Variants in SRP19 observed in about 807,000 individuals in gnomAD.
The protein encoded by SRP19 is signal recognition particle 19 kDa protein.
Under a neutral mutation model 22.4 loss-of-function variants are expected in SRP19, and 11 were observed. The observed-to-expected ratio is 0.49, with a 90% CI of 0.31 to 0.81. The LOEUF is 0.81. Ranked by LOEUF, SRP19 falls within the 40% of genes least tolerant of loss-of-function variation. The pLI, the probability that SRP19 is intolerant of heterozygous loss-of-function variation, is 0.05. For synonymous variants in SRP19, 61 were observed against 57.6 expected (o/e 1.06, Z -0.27); for missense variants, 168 against 175.9 (o/e 0.96, Z 0.25).
At chr5:112,888,634 T>C (rs458451) in intron 4 of SRP19, among the ~76,000 whole-genome samples, 65,092 of 146,718 alleles carry the variant, frequency 0.44, 16,719 homozygotes, top group African/African-American at 0.71. Flanking sequence ...CACAATGTTG[T>C]CCAGACTCCC....
At chr5:112,893,094 T>TAAAAAAAAAAAAA (rs552226372), downstream of SRP19, 55 of 501,480 alleles carry the variant, frequency 1.1e-4, no homozygotes, top group African/African-American at 1.4e-4. Flanking sequence ...GTTTTGTTCT[T>TAAAAAAAAAAAAA]AAAAAAAAAA....
At chr5:112,897,350 A>AACACACAC (rs1768719555), downstream of SRP19, 9 of 129,572 alleles carry the variant, frequency 6.9e-5, no homozygotes, top group South Asian at 7.9e-4. Flanking sequence ...AACACATCCC[A>AACACACAC]TCACACACAC....
At chr5:112,885,547 C>T in intron 4 of SRP19, 1 of 242,162 alleles carries the variant, frequency 4.1e-6, no homozygotes, top group Admixed American at 4.3e-5. Context: ...AAGTAAACAT[C>T]AACTACCTTC....
intron 4 of SRP19, chr5:112,887,155 G>A (rs1415009098): frequency 5.6e-6 from 9 of 1,608,002 alleles, no homozygotes; most frequent in East Asian, 4.5e-5. Flanking sequence ...AGAAGGGCTC[G>A]GGGCCATGCA....
downstream of SRP19, chr5:112,895,552 A>G (rs1211214046): frequency 7.2e-5 from 11 of 152,212 alleles, no homozygotes; most frequent in South Asian, 1.0e-3. Flanking sequence ...GCTAGACTGC[A>G]GACTGTTAAT....
chr5:112,894,124 G>GTTTTTTTTT (rs199564515), downstream of SRP19: 14 of 141,806 alleles, frequency 9.9e-5, no homozygotes, highest in Non-Finnish European at 1.7e-4. Context: ...GGTTTTTTTT[G>GTTTTTTTTT]TTTTTTTTTT....
exon 5 of SRP19, chr5:112,891,805 A>G (rs971407980): frequency 3.1e-6 from 5 of 1,602,364 alleles, no homozygotes; most frequent in Non-Finnish European, 3.4e-6. Context: ...GGAAGAGGAC[A>G]CTTTTATTGA....
At chr5:112,875,046 G>A (rs1281591734) in intron 4 of SRP19, among the ~76,000 whole-genome samples, 1 of 152,122 alleles carries the variant, frequency 6.6e-6, no homozygotes, top group African/African-American at 2.4e-5. Context: ...AGAGTGCTGG[G>A]ATTACAGGTG....
At chr5:112,863,068 C>T (rs1055222016) in intron 2 of SRP19, among the ~76,000 whole-genome samples, 1 of 152,008 alleles carries the variant, frequency 6.6e-6, no homozygotes, top group Non-Finnish European at 1.5e-5. Flanking sequence ...TGAATTCTCC[C>T]ATGATGAGTA....
Position 112,890,670 on chromosome 5 carries a change from A to T in SRP19, c.302-933A>T, listed in dbSNP as rs982509564. Among the ~76,000 whole-genome samples, 7 of 150,620 alleles carry T rather than the reference A, an allele frequency of 4.6e-5. No homozygotes were observed. In the East Asian group the frequency reaches 6.1e-4, roughly 13 times the overall value. On this transcript the variant is annotated intron_variant, in intron 4 of 4. Coordinates refer to the SRP19 transcript ENST00000391338. ...TGGGATTACAGGTGTGAGCCACTGC[A>T]CCTGGCCTAAAATCTCACTCTAAAG...
intron 4 of SRP19, among the ~76,000 whole-genome samples, chr5:112,866,629 C>G (rs1245729418): frequency 6.6e-6 from 1 of 152,176 alleles, no homozygotes; most frequent in Non-Finnish European, 1.5e-5. Flanking sequence ...TGGGCTCAGC[C>G]TAAAATAGAT....
intron 4 of SRP19, chr5:112,885,633 T>C: frequency 3.4e-6 from 1 of 290,220 alleles, no homozygotes; most frequent in South Asian, 4.6e-5. Context: ...CCCCAGGGTC[T>C]GCCAGCCTGG....
chr5:112,885,286 C>G (rs1768208460), intron 4 of SRP19: 1 of 172,274 alleles, frequency 5.8e-6, no homozygotes, highest in African/African-American at 2.4e-5. Flanking sequence ...AGACAGAAAG[C>G]AAGCTCAAAT....
exon 4 of SRP19, chr5:112,898,340 T>G (rs998961510): frequency 1.3e-4 from 20 of 152,238 alleles, no homozygotes; most frequent in Admixed American, 1.3e-4. Flanking sequence ...CTATTTGGAA[T>G]GTATGCAATA....
chr5:112,893,682 T>C (rs1768578617), downstream of SRP19: 1 of 152,432 alleles, frequency 6.6e-6, no homozygotes, highest in African/African-American at 2.4e-5. Context: ...TACACATGGA[T>C]AGTAATGCTA....
chr5:112,891,849 AAG>A (rs756404826), exon 5 of SRP19: 16 of 1,538,752 alleles, frequency 1.0e-5, no homozygotes, highest in Non-Finnish European at 1.3e-5. Flanking sequence ...AGCTATTGGA[AAG>A]AGAGAGGGAA....
chr5:112,881,128 CAAAAAAAAAA>C (rs58737941), intron 4 of SRP19, among the ~76,000 whole-genome samples: 59 of 67,218 alleles, frequency 8.8e-4, no homozygotes, highest in African/African-American at 3.1e-3. Context: ...GACTCTGTTT[CAAAAAAAAAA>C]AAAAAAAAAA....
At chr5:112,881,128 CAAAAA>C (rs58737941) in intron 4 of SRP19, among the ~76,000 whole-genome samples, 6 of 67,218 alleles carry the variant, frequency 8.9e-5, no homozygotes, top group Admixed American at 2.1e-4. Context: ...GACTCTGTTT[CAAAAA>C]AAAAAAAAAA....
downstream of SRP19, chr5:112,896,613 T>A (rs991289790): frequency 6.6e-6 from 1 of 152,140 alleles, no homozygotes; most frequent in African/African-American, 2.4e-5. Context: ...CAGGACCTAA[T>A]CTTGCCAGAG....
Sources: gnomAD v4.1 joint callset for allele counts (sites outside exome capture counted in the v4.1 genomes callset) on GRCh38, gnomAD v4.1.1 for gene constraint, MANE v1.5 for transcripts, NCBI Gene and HGNC (gene_info 2026-07-23, HGNC 2026-07-21) for gene names.